The following PTPRN2 variants were observed in gnomAD, a reference collection of about 807,000 sequenced individuals.
PTPRN2 encodes the protein receptor-type tyrosine-protein phosphatase N2.
Under a neutral mutation model 118.8 loss-of-function variants are expected in PTPRN2, and 74 were observed. That is an observed-to-expected ratio of 0.62 (90% CI 0.52 to 0.76). PTPRN2 has a LOEUF of 0.76. PTPRN2 is among the 30% of genes least tolerant of loss of function. PTPRN2 has a pLI of 0.00. For synonymous variants in PTPRN2, 641 were observed against 608.0 expected, an observed-to-expected ratio of 1.05 and a Z score of -0.80; for missense variants, 1,481 against 1,394.4, an observed-to-expected ratio of 1.06 and a Z score of -0.99.
intron 12 of PTPRN2, among the ~76,000 whole-genome samples, chr7:157,772,562 G>A (rs1430869264): frequency 2.0e-5 from 3 of 152,204 alleles, no homozygotes; most frequent in Non-Finnish European, 4.4e-5. Flanking sequence ...TCCCGGAACC[G>A]CCTGTGAACG....
At chr7:157,798,587 C>T (rs1287156633) in intron 12 of PTPRN2, among the ~76,000 whole-genome samples, 1 of 152,180 alleles carries the variant, frequency 6.6e-6, no homozygotes, top group African/African-American at 2.4e-5. Context: ...ATGTCTGCCT[C>T]CTTTCCATTC....
chr7:157,971,251 T>A (rs1802309119), intron 11 of PTPRN2, among the ~76,000 whole-genome samples: 1 of 152,214 alleles, frequency 6.6e-6, no homozygotes. Context: ...TTTTGAAGCA[T>A]CAGACCTTCA....
intron 2 of PTPRN2, among the ~76,000 whole-genome samples, chr7:158,337,738 C>A (rs1419243583): frequency 6.9e-6 from 1 of 145,430 alleles, no homozygotes; most frequent in Non-Finnish European, 1.5e-5. Context: ...CACTCACAAC[C>A]ACACTCTCAC....
chr7:157,552,526 C>T (rs1377220024), intron 21 of PTPRN2, among the ~76,000 whole-genome samples: 1 of 152,132 alleles, frequency 6.6e-6, no homozygotes, highest in Non-Finnish European at 1.5e-5. Context: ...ATGAGGGAGG[C>T]TCCATGTGCT....
intron 22 of PTPRN2, among the ~76,000 whole-genome samples, chr7:157,546,141 G>A (rs982512300): frequency 2.6e-5 from 4 of 152,072 alleles, no homozygotes; most frequent in African/African-American, 7.2e-5. Context: ...GAACTCCTCC[G>A]GACGCCCAGT....
chr7:157,821,190 C>G (rs1806817514), intron 12 of PTPRN2, among the ~76,000 whole-genome samples: 1 of 152,356 alleles, frequency 6.6e-6, no homozygotes, highest in East Asian at 1.9e-4. Context: ...AGGCAACTCA[C>G]CTGTGAACAG....
rs146897962 is a variant in PTPRN2 at position 158,102,725 on chromosome 7, C to T, written c.1643+8104G>A. On this transcript the variant is annotated intron_variant, in intron 10 of 22. Transcript: ENST00000389418. ...TGTTGTTCAAGGACTCATTGCATCA[C>T]GCTTGAATCACACTTGCACTTAAGA... Among the ~76,000 whole-genome samples the T allele has an allele frequency of 3.5e-3, 534 of 152,168 alleles. 5 individuals carry two copies. Among genetic ancestry groups the T allele is most frequent in the African/African-American group, 0.012 (505 of 41,494 alleles).
At chr7:157,656,070 A>G (rs553444556) in intron 14 of PTPRN2, among the ~76,000 whole-genome samples, 114 of 48,346 alleles carry the variant, frequency 2.4e-3, no homozygotes, top group Non-Finnish European at 5.5e-3. Context: ...ATTCCACTGA[A>G]AACTAAATAG....
chr7:158,058,752 A>G lies in PTPRN2; in HGVS notation c.1723+22546T>C, dbSNP rs374269386. ...CACGGTGAGACATCACTACAGCCAC[A>G]CTCCATCTGCCCACGGTGAGACATC... is the stretch of plus-strand genomic sequence containing the variant. On this transcript the variant is annotated intron_variant, in intron 11 of 22. Coordinates refer to ENST00000389418, the MANE Select transcript of PTPRN2 (RefSeq NM_002847.5). 2.3e-3 allele frequency among the ~76,000 whole-genome samples: 209 copies of G among 90,632 alleles called. 10 individuals are homozygous for G. Among genetic ancestry groups the G allele is most frequent in the African/African-American group, 5.2e-3 (91 of 17,578 alleles). 59.5% of individuals were successfully genotyped at this position (90,632 alleles called of 152,430 possible).
intron 15 of PTPRN2, among the ~76,000 whole-genome samples, chr7:157,605,107 G>A (rs1272693068): frequency 6.6e-5 from 10 of 152,258 alleles, no homozygotes; most frequent in Non-Finnish European, 8.8e-5. Flanking sequence ...GGCAGGCCAC[G>A]TTTGGCTCAC....
intron 12 of PTPRN2, among the ~76,000 whole-genome samples, chr7:157,860,199 T>C (rs1198004725): frequency 1.3e-5 from 2 of 152,354 alleles, no homozygotes; most frequent in African/African-American, 4.8e-5. Context: ...CCCCAGCCTG[T>C]GGTGGCAGGG....
intron 2 of PTPRN2, among the ~76,000 whole-genome samples, chr7:158,443,369 G>A (rs1817494944): frequency 6.6e-6 from 1 of 152,238 alleles, no homozygotes; most frequent in African/African-American, 2.4e-5. Flanking sequence ...TATCAAATCA[G>A]CAGACAAACT....
intron 11 of PTPRN2, among the ~76,000 whole-genome samples, chr7:158,049,902 CA>C (rs34291428): frequency 0.56 from 84,445 of 149,530 alleles, 24,592 homozygotes; most frequent in African/African-American, 0.68. Flanking sequence ...GATTCCATCT[CA>C]AAAAAAAAAA....
At chr7:158,034,555 G>T (rs9718794) in intron 11 of PTPRN2, among the ~76,000 whole-genome samples, 55,614 of 151,826 alleles carry the variant, frequency 0.37, 10,785 homozygotes, top group African/African-American at 0.51. Flanking sequence ...TGATTGTGAG[G>T]CCTCCCCAGC....
intron 11 of PTPRN2, among the ~76,000 whole-genome samples, chr7:157,914,899 T>C (rs1026422752): frequency 2.6e-5 from 4 of 152,210 alleles, no homozygotes; most frequent in Non-Finnish European, 5.9e-5. Flanking sequence ...TTCTATACTT[T>C]ACTTCTCTAA....
At chr7:157,762,039 A>G (rs1022986474) in intron 12 of PTPRN2, among the ~76,000 whole-genome samples, 1 of 152,148 alleles carries the variant, frequency 6.6e-6, no homozygotes, top group Non-Finnish European at 1.5e-5. Flanking sequence ...CAAAACCACA[A>G]TGAGATACCA....
chr7:158,343,836 C>T (rs1341699701), intron 2 of PTPRN2, among the ~76,000 whole-genome samples: 1 of 152,236 alleles, frequency 6.6e-6, no homozygotes, highest in Non-Finnish European at 1.5e-5. Flanking sequence ...CGTGGGCTGT[C>T]GCGGCTGCTC....
At chr7:157,939,560 C>A (rs4716819) in intron 11 of PTPRN2, among the ~76,000 whole-genome samples, 59,012 of 152,206 alleles carry the variant, frequency 0.39, 13,722 homozygotes, top group East Asian at 0.63. Flanking sequence ...GGGCCATCAT[C>A]TGCATATGAA....
At chr7:157,734,281 C>A (rs1011474946) in intron 12 of PTPRN2, among the ~76,000 whole-genome samples, 1 of 142,360 alleles carries the variant, frequency 7.0e-6, no homozygotes, top group South Asian at 2.1e-4. Flanking sequence ...TGCAGTCTTC[C>A]GTCCCATGCG....
Sources: gnomAD v4.1 joint callset for allele counts (sites outside exome capture counted in the v4.1 genomes callset) on GRCh38, gnomAD v4.1.1 for gene constraint, MANE v1.5 for transcripts, NCBI Gene and HGNC (gene_info 2026-07-23, HGNC 2026-07-21) for gene names.